LRRTM4: variants seen among roughly 807,000 people sequenced by gnomAD.
The protein encoded by LRRTM4 is leucine rich repeat transmembrane neuronal 4, also known as leucine-rich repeat transmembrane neuronal protein 4.
LRRTM4 carries 25 observed loss-of-function variants against 47.6 expected under a neutral mutation model. The ratio of observed to expected loss-of-function variants is 0.53; its 90% CI spans 0.38 to 0.73. LRRTM4 has a LOEUF of 0.73. LRRTM4 is among the 30% of genes least tolerant of loss of function. LRRTM4 has a pLI of 0.00. For missense variants in LRRTM4, 638 were observed against 713.4 expected (o/e 0.89, Z 1.20); for synonymous variants, 311 against 269.5 (o/e 1.15, Z -1.51).
At chr2:77,042,963 T>C (rs762169892) in intron 3 of LRRTM4, among the ~76,000 whole-genome samples, 2 of 151,056 alleles carry the variant, frequency 1.3e-5, no homozygotes, top group Non-Finnish European at 3.0e-5. Flanking sequence ...GAGTTGGGGG[T>C]GGGCAGATGG....
chr2:76,843,484 A>G (rs1367620287), intron 3 of LRRTM4, among the ~76,000 whole-genome samples: 2 of 152,192 alleles, frequency 1.3e-5, no homozygotes, highest in African/African-American at 2.4e-5. Context: ...AGTTGCTTCC[A>G]TGGAAAAGTA....
Position 77,111,940 on chromosome 2 carries a change from T to C in LRRTM4, c.1552-363024A>G, listed in dbSNP as rs189784084. Among the ~76,000 whole-genome samples, 337 of 152,308 alleles carry C rather than the reference T, an allele frequency of 2.2e-3. 1 individual carries two copies. Among genetic ancestry groups the C allele is most frequent in the Admixed American group, 9.8e-3 (150 of 15,306 alleles). On this transcript the variant is annotated intron_variant, in intron 3 of 3. Coordinates refer to ENST00000409884, the MANE Select transcript of LRRTM4 (RefSeq NM_001134745.3). ...AAATGTGTGCATAGTATACATAGAATTTAGGAATGCCCATAGTTTCAGGCA... is the reference window on the plus strand; with the variant it reads ...AAATGTGTGCATAGTATACATAGAACTTAGGAATGCCCATAGTTTCAGGCA...
intron 3 of LRRTM4, among the ~76,000 whole-genome samples, chr2:76,831,813 T>G (rs981080469): frequency 6.6e-6 from 1 of 152,040 alleles, no homozygotes; most frequent in Non-Finnish European, 1.5e-5. Context: ...TAGCTTTTTT[T>G]AAAAAAAATT....
chr2:76,840,117 T>G (rs568563604), intron 3 of LRRTM4, among the ~76,000 whole-genome samples: 18 of 152,292 alleles, frequency 1.2e-4, no homozygotes, highest in African/African-American at 4.1e-4. Context: ...TTGTTTTCCC[T>G]TGGAAAAATG....
intron 3 of LRRTM4, among the ~76,000 whole-genome samples, chr2:77,463,460 A>T (rs57544819): frequency 0.014 from 2,202 of 152,190 alleles, 54 homozygotes; most frequent in African/African-American, 0.046. Context: ...CCTCATGTTC[A>T]TAATTACCTA....
At chr2:76,750,959 G>A (rs1024928793) in intron 3 of LRRTM4, among the ~76,000 whole-genome samples, 2 of 152,068 alleles carry the variant, frequency 1.3e-5, no homozygotes, top group Non-Finnish European at 2.9e-5. Context: ...ATCCAAATAA[G>A]CATTTAAAAA....
At chr2:77,061,727 A>C (rs558012812) in intron 3 of LRRTM4, among the ~76,000 whole-genome samples, 1 of 152,198 alleles carries the variant, frequency 6.6e-6, no homozygotes, top group Admixed American at 6.5e-5. Context: ...GACCTACCAC[A>C]TAATGCCCAT....
At chr2:76,849,463 A>C (rs539910177) in intron 3 of LRRTM4, among the ~76,000 whole-genome samples, 1 of 152,106 alleles carries the variant, frequency 6.6e-6, no homozygotes, top group Non-Finnish European at 1.5e-5. Flanking sequence ...AAATTATATA[A>C]AATATACTCC....
chr2:76,865,125 G>T (rs1157782094), intron 3 of LRRTM4, among the ~76,000 whole-genome samples: 1 of 152,004 alleles, frequency 6.6e-6, no homozygotes, highest in Non-Finnish European at 1.5e-5. Context: ...AAACACTTAC[G>T]TAACACTTCG....
intron 3 of LRRTM4, among the ~76,000 whole-genome samples, chr2:76,862,789 CAT>C (rs1330970003): frequency 6.6e-6 from 1 of 152,112 alleles, no homozygotes; most frequent in Non-Finnish European, 1.5e-5. Flanking sequence ...ATCTTATTCA[CAT>C]ATATTTGTTG....
At chr2:76,799,463 G>C (rs1489145490) in intron 3 of LRRTM4, among the ~76,000 whole-genome samples, 1 of 139,790 alleles carries the variant, frequency 7.2e-6, no homozygotes, top group African/African-American at 2.7e-5. Context: ...AAAATAATAA[G>C]AGCTATCTAT....
At chr2:76,843,157 T>C (rs569990664) in intron 3 of LRRTM4, among the ~76,000 whole-genome samples, 2 of 152,164 alleles carry the variant, frequency 1.3e-5, no homozygotes, top group East Asian at 3.9e-4. Context: ...GTTAGGTAAA[T>C]TTGAGTGAGG....
chr2:77,238,224 A>G (rs896034721), intron 3 of LRRTM4, among the ~76,000 whole-genome samples: 5 of 152,180 alleles, frequency 3.3e-5, no homozygotes, highest in Non-Finnish European at 7.4e-5. Context: ...TTTACGATCT[A>G]TATGTATCCT....
chr2:77,150,839 A>G (rs1573012051), intron 3 of LRRTM4, among the ~76,000 whole-genome samples: 1 of 152,064 alleles, frequency 6.6e-6, no homozygotes, highest in South Asian at 2.1e-4. Flanking sequence ...ACCATTATCA[A>G]TTCTCAGCTG....
At chr2:77,214,703 T>A (rs973245558) in intron 3 of LRRTM4, among the ~76,000 whole-genome samples, 2 of 152,042 alleles carry the variant, frequency 1.3e-5, no homozygotes, top group African/African-American at 4.8e-5. Context: ...ATAAATCTTT[T>A]TTTTTTTACC....
chr2:77,394,782 C>G (rs916005983), intron 3 of LRRTM4, among the ~76,000 whole-genome samples: 5 of 151,910 alleles, frequency 3.3e-5, no homozygotes, highest in African/African-American at 1.2e-4. Context: ...AAAGGTGAAG[C>G]AGGAACACGA....
chr2:77,056,460 G>C (rs1025574417), intron 3 of LRRTM4, among the ~76,000 whole-genome samples: 1 of 151,976 alleles, frequency 6.6e-6, no homozygotes, highest in African/African-American at 2.4e-5. Context: ...ATACAAAGTA[G>C]GCAACTAGGA....
chr2:77,449,002 C>T (rs910569478), intron 3 of LRRTM4, among the ~76,000 whole-genome samples: 1 of 151,932 alleles, frequency 6.6e-6, no homozygotes, highest in Non-Finnish European at 1.5e-5. Flanking sequence ...TTTTATAGTT[C>T]CTTTTGTGTC....
chr2:77,461,028 G>A (rs528946220), intron 3 of LRRTM4, among the ~76,000 whole-genome samples: 1 of 152,040 alleles, frequency 6.6e-6, no homozygotes, highest in African/African-American at 2.4e-5. Flanking sequence ...TTTTAACCTA[G>A]AGGCAATCCT....
Sources: allele counts gnomAD v4.1 joint callset (sites outside exome capture counted in the v4.1 genomes callset), GRCh38; gene constraint gnomAD v4.1.1; transcripts MANE v1.5; gene names NCBI Gene and HGNC (gene_info 2026-07-23, HGNC 2026-07-21).